RAD51AP2: variants seen among roughly 807,000 people sequenced by gnomAD.
RAD51AP2 encodes RAD51-associated protein 2.
A neutral mutation model predicts 85.5 loss-of-function variants in RAD51AP2; 67 were observed. The observed-to-expected ratio is 0.78, with a 90% CI of 0.64 to 0.96. The LOEUF (loss-of-function observed/expected upper bound fraction) is 0.96. Among genes scored for constraint, RAD51AP2 ranks in the 40% least tolerant of loss-of-function variants. The pLI, the probability that RAD51AP2 is intolerant of heterozygous loss-of-function variation, is 0.00. For synonymous variants in RAD51AP2, 474 were observed against 446.5 expected (o/e 1.06, Z -0.78); for missense variants, 1,307 against 1,332.4 (o/e 0.98, Z 0.30).
At position 17,517,583 on chromosome 2, in the gene RAD51AP2, A is replaced by G; in HGVS notation, c.833T>C (p.Ile278Thr). The G allele has an allele frequency of 1.2e-6, 2 of 1,613,692 alleles. No homozygotes were observed. The highest frequency in any genetic ancestry group is 1.7e-6 in the Non-Finnish European group (2 of 1,179,916). ...TTTTTTGTCATTCTTTTTCTTCGCTATTTCCTTTAAATAGACAGAGGACAT... is the reference window on the plus strand; with the variant it reads ...TTTTTTGTCATTCTTTTTCTTCGCTGTTTCCTTTAAATAGACAGAGGACAT... ...SKMSSVYLKE[I>T]AKKKNDKKEA... Residue 278 changes from isoleucine to threonine, a missense_variant, in exon 1 of 3, where the codon ATA (isoleucine) becomes ACA (threonine). Around this residue, in one of 3 missense-constraint regions of RAD51AP2, gnomAD observed 635 missense variants for 643.6 expected, o/e 0.99. Coordinates refer to ENST00000399080, the MANE Select transcript of RAD51AP2 (RefSeq NM_001099218.3).
chr2:17,523,945 A>G, the RAD51AP2 span, among the ~76,000 whole-genome samples: 19 of 152,034 alleles, frequency 1.2e-4, no homozygotes, highest in Admixed American at 8.5e-4. Flanking sequence ...GTGATGATTT[A>G]ACTCTCCTTT....
rs200839059 is a variant in RAD51AP2 at position 17,515,949 on chromosome 2, C to T, written c.2467G>A (p.Glu823Lys). The change falls in exon 1 of 3, where the codon GAA becomes AAA. Residue 823 changes from glutamate (E) to lysine (K), a missense_variant. Transcript: ENST00000399080. ...QVLNFWNLLS[E>K]IEEKKYDLIL... ...AAGTCATATTTTTTTTCTTCTATTT[C>T]ACTTAGCAAGTTCCAAAAATTTAGT... 1,140 of 1,606,616 alleles carry T rather than the reference C, an allele frequency of 7.1e-4. 14 individuals are homozygous for T. The Middle Eastern group carries it at 0.011, about 16-fold the overall frequency.
the RAD51AP2 span, among the ~76,000 whole-genome samples, chr2:17,525,744 C>T: frequency 1.3e-5 from 2 of 152,110 alleles, no homozygotes; most frequent in African/African-American, 4.8e-5. Context: ...TTTCTGGAGA[C>T]CACTCAGAGG....
At chr2:17,522,538 A>G (rs542440658), upstream of RAD51AP2, among the ~76,000 whole-genome samples, 4 of 152,148 alleles carry the variant, frequency 2.6e-5, no homozygotes, top group East Asian at 7.7e-4. Context: ...AGCTCTAAGT[A>G]TTGGAAAAAC....
chr2:17,528,826 A>C, the RAD51AP2 span, among the ~76,000 whole-genome samples: 2 of 152,328 alleles, frequency 1.3e-5, no homozygotes, highest in Admixed American at 1.3e-4. Context: ...CCTGGGCAAC[A>C]GAACAATTCC....
intron 1 of RAD51AP2, 139 bp downstream of exon 1, chr2:17,515,030 T>C: frequency 1.7e-6 from 1 of 577,584 alleles, no homozygotes; most frequent in Non-Finnish European, 2.8e-6. Flanking sequence ...AGAAAGAAAA[T>C]AGTGTGCATC....
chr2:17,515,816 A>T lies in RAD51AP2; in HGVS notation c.2600T>A (p.Met867Lys). The T allele has an allele frequency of 6.2e-7, 1 of 1,606,986 alleles. No individual in the cohort carries two copies. The highest frequency in any genetic ancestry group is 1.7e-5 in the Admixed American group (1 of 59,410). The change falls in exon 1 of 3, where the codon ATG becomes AAG. Residue 867 changes from methionine (M) to lysine (K), a missense_variant. By Grantham distance (95) the Met-to-Lys change is moderately conservative. Coordinates refer to ENST00000399080, the MANE Select transcript of RAD51AP2 (RefSeq NM_001099218.3). ...EKEEKDSFFP[M>K]DDMFSVQSVS... ...TGACTGTACAGAAAACATGTCATCC[A>T]TTGGAAAAAAACTATCTTTCTCTTC...
the RAD51AP2 span, among the ~76,000 whole-genome samples, chr2:17,530,699 G>A: frequency 6.7e-6 from 1 of 149,526 alleles, no homozygotes; most frequent in Non-Finnish European, 1.5e-5. Context: ...AATAATACAA[G>A]CATAAATAAT....
At chr2:17,527,430 T>C in the RAD51AP2 span, among the ~76,000 whole-genome samples, 3 of 152,104 alleles carry the variant, frequency 2.0e-5, no homozygotes, top group East Asian at 1.9e-4. Context: ...AAATGATATA[T>C]GTAAATAGCA....
chr2:17,535,326 G>A, the RAD51AP2 span, among the ~76,000 whole-genome samples: 1 of 152,164 alleles, frequency 6.6e-6, no homozygotes, highest in Non-Finnish European at 1.5e-5. Context: ...GCACTAAAAA[G>A]ACATGGCAAG....
At chr2:17,531,562 T>A in the RAD51AP2 span, among the ~76,000 whole-genome samples, 1 of 152,204 alleles carries the variant, frequency 6.6e-6, no homozygotes, top group African/African-American at 2.4e-5. Flanking sequence ...AAGTCTAATT[T>A]CAGAATATTG....
chr2:17,511,310 A>G (rs1359847517), intron 2 of RAD51AP2, among the ~76,000 whole-genome samples: 1 of 152,180 alleles, frequency 6.6e-6, no homozygotes, highest in Admixed American at 6.5e-5. Context: ...TTCTATTGGT[A>G]GCTAAACAAC....
chr2:17,533,396 T>C, the RAD51AP2 span, among the ~76,000 whole-genome samples: 2 of 152,230 alleles, frequency 1.3e-5, no homozygotes, highest in African/African-American at 2.4e-5. Context: ...CCAAATCTTA[T>C]GATTGCATTT....
chr2:17,532,568 T>C, the RAD51AP2 span, among the ~76,000 whole-genome samples: 2 of 152,178 alleles, frequency 1.3e-5, no homozygotes, highest in Admixed American at 6.5e-5. Context: ...AGCGAGGTTT[T>C]AGTGTCCAGA....
chr2:17,519,050 A>G (rs1186982355), upstream of RAD51AP2, among the ~76,000 whole-genome samples: 1 of 152,168 alleles, frequency 6.6e-6, no homozygotes, highest in East Asian at 1.9e-4. Flanking sequence ...TCTGAGGAAA[A>G]AATGTGTGGA....
chr2:17,519,725 A>G (rs1662815892), upstream of RAD51AP2, among the ~76,000 whole-genome samples: 1 of 152,056 alleles, frequency 6.6e-6, no homozygotes, highest in South Asian at 2.1e-4. Flanking sequence ...ATAAATAAGA[A>G]TGTGGCAGTG....
At position 17,517,955 on chromosome 2, in the gene RAD51AP2, C is replaced by T. The variant is rs770432377; in HGVS notation, c.461G>A (p.Gly154Glu). The part of the protein sequence containing the change: ...SVHRSNSSKA[G>E]VSQLLPSTSI... Reference sequence around the variant, plus strand: ...GGTGCTGGGCAGAAGTTGACTAACCCCTGCTTTGGAGCTATTACTGCGGTG... The same window carrying T: ...GGTGCTGGGCAGAAGTTGACTAACCTCTGCTTTGGAGCTATTACTGCGGTG... The change falls in exon 1 of 3, where the codon GGG becomes GAG. Residue 154 changes from glycine to glutamate, a missense_variant. By Grantham distance (98) the Gly-to-Glu change is moderately conservative (BLOSUM62 -2). Coordinates refer to ENST00000399080, the MANE Select transcript of RAD51AP2 (RefSeq NM_001099218.3). 5 of 1,614,122 alleles carry T rather than the reference C, an allele frequency of 3.1e-6. No homozygotes were observed. The East Asian group carries it at 1.1e-4, about 36-fold the overall frequency.
At chr2:17,536,259 C>T in the RAD51AP2 span, among the ~76,000 whole-genome samples, 1 of 152,102 alleles carries the variant, frequency 6.6e-6, no homozygotes, top group Non-Finnish European at 1.5e-5. Flanking sequence ...TACCGAGGTC[C>T]CCCAAAATGG....
chr2:17,529,931 G>A, the RAD51AP2 span, among the ~76,000 whole-genome samples: 1 of 152,148 alleles, frequency 6.6e-6, no homozygotes, highest in African/African-American at 2.4e-5. Flanking sequence ...ACTTTTGTCT[G>A]GACATGCTCT....
Sources: allele counts gnomAD v4.1 joint callset (sites outside exome capture counted in the v4.1 genomes callset), GRCh38; gene constraint gnomAD v4.1.1; regional missense constraint gnomAD v4.1.1; transcripts MANE v1.5; gene names NCBI Gene and HGNC (gene_info 2026-07-23, HGNC 2026-07-21).